Variants in GPC6 observed in about 807,000 individuals in gnomAD.
GPC6 encodes the protein glypican-6.
Under a neutral mutation model 55.2 loss-of-function variants are expected in GPC6, and 14 were observed. The observed-to-expected ratio is 0.25, with a 90% confidence interval of 0.17 to 0.40. The LOEUF (loss-of-function observed/expected upper bound fraction) is 0.40, where lower values mean the gene tolerates loss of function less well. Ranked by LOEUF, GPC6 falls within the 10% of genes least tolerant of loss-of-function variation. The pLI is 1.00. For synonymous variants in GPC6, 278 were observed against 259.6 expected, an observed-to-expected ratio of 1.07 and a Z score of -0.68; for missense variants, 641 against 708.5, an observed-to-expected ratio of 0.90 and a Z score of 1.08.
chr13:93,584,142 C>T (rs1877076023), intron 2 of GPC6, among the ~76,000 whole-genome samples: 1 of 152,144 alleles, frequency 6.6e-6, no homozygotes, highest in Non-Finnish European at 1.5e-5. Flanking sequence ...TCTTTCTTCT[C>T]AAGAGTCAAG....
intron 6 of GPC6, among the ~76,000 whole-genome samples, chr13:94,371,789 A>C (rs769094520): frequency 6.6e-6 from 1 of 152,224 alleles, no homozygotes; most frequent in East Asian, 1.9e-4. Context: ...AGATTCAATA[A>C]TGGTTGACTA....
At chr13:93,817,939 A>G (rs1412287887) in intron 2 of GPC6, among the ~76,000 whole-genome samples, 1 of 148,304 alleles carries the variant, frequency 6.7e-6, no homozygotes, top group African/African-American at 2.4e-5. Flanking sequence ...TTATAGATAT[A>G]ATTTATTAGT....
chr13:94,399,595 T>A (rs1395443472), intron 8 of GPC6, among the ~76,000 whole-genome samples: 1 of 152,204 alleles, frequency 6.6e-6, no homozygotes, highest in Non-Finnish European at 1.5e-5. Flanking sequence ...GTGCTTGGAT[T>A]AATGAGATAG....
intron 7 of GPC6, among the ~76,000 whole-genome samples, chr13:94,395,584 G>A (rs1880860099): frequency 6.6e-6 from 1 of 152,096 alleles, no homozygotes; most frequent in African/African-American, 2.4e-5. Context: ...AAATACCAAA[G>A]TTTCTCTGTG....
At chr13:93,946,109 T>G (rs1394772845) in intron 3 of GPC6, among the ~76,000 whole-genome samples, 1 of 152,218 alleles carries the variant, frequency 6.6e-6, no homozygotes, top group Non-Finnish European at 1.5e-5. Flanking sequence ...AGTATAATAC[T>G]TCTATCATGG....
At chr13:93,556,317 GTT>G (rs1453552819) in intron 2 of GPC6, among the ~76,000 whole-genome samples, 1 of 150,066 alleles carries the variant, frequency 6.7e-6, no homozygotes, top group Non-Finnish European at 1.5e-5. Context: ...AGGATGATAT[GTT>G]TTGAAGCGCA....
chr13:94,307,351 C>T (rs1474910863), intron 6 of GPC6, among the ~76,000 whole-genome samples: 1 of 152,058 alleles, frequency 6.6e-6, no homozygotes, highest in East Asian at 1.9e-4. Context: ...CGGGGCTTCA[C>T]TCTGCCCCAG....
chr13:93,987,980 C>A (rs1881111091), intron 3 of GPC6, among the ~76,000 whole-genome samples: 1 of 152,106 alleles, frequency 6.6e-6, no homozygotes, highest in African/African-American at 2.4e-5. Context: ...TTCCACACTG[C>A]AGAGGGGTCT....
intron 7 of GPC6, among the ~76,000 whole-genome samples, chr13:94,394,858 A>G (rs766013853): frequency 9.9e-5 from 15 of 152,212 alleles, no homozygotes; most frequent in Non-Finnish European, 1.9e-4. Context: ...GGCTGGGTTT[A>G]CTTGGCAGTC....
intron 1 of GPC6, among the ~76,000 whole-genome samples, chr13:93,493,307 C>A (rs201438286): frequency 0.016 from 677 of 41,708 alleles, 2 homozygotes; most frequent in East Asian, 0.1. Context: ...AGTTTATTTG[C>A]GTAGAGGTGT....
intron 1 of GPC6, among the ~76,000 whole-genome samples, chr13:93,295,176 C>T (rs1310470359): frequency 1.4e-5 from 2 of 146,474 alleles, no homozygotes; most frequent in African/African-American, 5.0e-5. Flanking sequence ...CCTGTAGTCC[C>T]AGTAGTCAGG....
intron 3 of GPC6, among the ~76,000 whole-genome samples, chr13:93,922,055 T>C (rs1877602315): frequency 6.6e-6 from 1 of 152,058 alleles, no homozygotes; most frequent in African/African-American, 2.4e-5. Context: ...TGAACTTGCA[T>C]ATTGAATCAC....
intron 2 of GPC6, among the ~76,000 whole-genome samples, chr13:93,642,019 T>C (rs1879968561): frequency 6.6e-6 from 1 of 152,032 alleles, no homozygotes; most frequent in Admixed American, 6.6e-5. Flanking sequence ...AATTTTATTT[T>C]GGAATCAAGG....
intron 2 of GPC6, among the ~76,000 whole-genome samples, chr13:93,593,563 A>G (rs1877584624): frequency 6.6e-6 from 1 of 152,136 alleles, no homozygotes; most frequent in Non-Finnish European, 1.5e-5. Flanking sequence ...ATCTAGTTTG[A>G]TAAAAGTGCA....
intron 5 of GPC6, among the ~76,000 whole-genome samples, chr13:94,300,605 A>G (rs1875598472): frequency 6.6e-6 from 1 of 152,168 alleles, no homozygotes; most frequent in African/African-American, 2.4e-5. Flanking sequence ...TAAAATCCAC[A>G]GGTTTTGCAA....
chr13:94,135,253 CAAAA>C (rs10535164), intron 4 of GPC6, among the ~76,000 whole-genome samples: 12 of 137,536 alleles, frequency 8.7e-5, no homozygotes, highest in Non-Finnish European at 1.1e-4. Context: ...AGCTAGTATG[CAAAA>C]AAAAAAAAAA....
At chr13:94,153,663 G>A (rs373451291) in intron 4 of GPC6, among the ~76,000 whole-genome samples, 3 of 152,120 alleles carry the variant, frequency 2.0e-5, no homozygotes, top group Admixed American at 6.6e-5. Flanking sequence ...TCACAAAAAG[G>A]TATAGTATGT....
At chr13:94,343,723 T>G (rs567962771) in intron 6 of GPC6, among the ~76,000 whole-genome samples, 96 of 152,282 alleles carry the variant, frequency 6.3e-4, no homozygotes, top group South Asian at 5.8e-3. Context: ...GTTTAAAACT[T>G]GTTATTGTTG....
intron 3 of GPC6, among the ~76,000 whole-genome samples, chr13:93,852,778 C>G (rs1029663183): frequency 2.0e-5 from 3 of 151,620 alleles, no homozygotes; most frequent in Non-Finnish European, 4.4e-5. Flanking sequence ...TACATCTCTT[C>G]TCTGTTGGAT....
Sources: gnomAD v4.1 joint callset for allele counts (sites outside exome capture counted in the v4.1 genomes callset) on GRCh38, gnomAD v4.1.1 for gene constraint, MANE v1.5 for transcripts, NCBI Gene and HGNC (gene_info 2026-07-23, HGNC 2026-07-21) for gene names.